Variants in IFI27L1 observed in about 807,000 individuals in gnomAD.
IFI27L1 encodes interferon alpha-inducible protein 27-like protein 1.
In IFI27L1, 3 loss-of-function variants were observed where a neutral mutation model predicts 9.2. That is an observed-to-expected ratio of 0.32 (90% CI 0.15 to 0.84). IFI27L1 has a LOEUF of 0.84. Among genes scored for constraint, IFI27L1 ranks in the 40% least tolerant of loss-of-function variants. The pLI, the probability that IFI27L1 is intolerant of heterozygous loss-of-function variation, is 0.56. For missense variants in IFI27L1, 133 were observed against 134.2 expected, an observed-to-expected ratio of 0.99 and a Z score of 0.05; for synonymous variants, 53 against 50.0, an observed-to-expected ratio of 1.06 and a Z score of -0.26.
At chr14:94,099,386 G>A (rs374480594) in intron 2 of IFI27L1, among the ~76,000 whole-genome samples, 1 of 152,194 alleles carries the variant, frequency 6.6e-6, no homozygotes, top group Non-Finnish European at 1.5e-5. Flanking sequence ...AGAGGCAAGA[G>A]AGGAGGTGGT....
intron 1 of IFI27L1, among the ~76,000 whole-genome samples, chr14:94,086,943 C>G (rs1170747283): frequency 1.3e-5 from 2 of 152,094 alleles, no homozygotes; most frequent in Non-Finnish European, 2.9e-5. Context: ...AAATAACAAA[C>G]AGAGAGAAGC....
rs181647711 is a variant in IFI27L1 at position 94,101,001 on chromosome 14, A to C, written c.61+230A>C. 382 of 611,306 alleles carry C rather than the reference A, an allele frequency of 6.2e-4. 2 individuals carry two copies. The African/African-American group carries it at 6.5e-3, about 10-fold the overall frequency. 37.9% of individuals were successfully genotyped at this position (611,306 alleles called of 1,614,324 possible). A position where few individuals can be genotyped will look rare whatever the true frequency, so the allele number is the denominator to read the frequency against. Reference sequence around the variant, plus strand: ...GCTGGGGCTACTCTCAGCTTCCACCAAGTACAAACCATGCAACCCCGGATG... The same window carrying C: ...GCTGGGGCTACTCTCAGCTTCCACCCAGTACAAACCATGCAACCCCGGATG... On this transcript the variant is annotated intron_variant, in intron 3 of 4. Coordinates refer to ENST00000555523, the MANE Select transcript of IFI27L1 (RefSeq NM_206949.3).
chr14:94,099,391 G>T (rs7493263), intron 2 of IFI27L1, among the ~76,000 whole-genome samples: 2,205 of 152,280 alleles, frequency 0.014, 58 homozygotes, highest in African/African-American at 0.05. Flanking sequence ...CAAGAGAGGA[G>T]GTGGTGCAGG....
chr14:94,082,284 A>G (rs1052490125), intron 1 of IFI27L1, among the ~76,000 whole-genome samples: 3 of 151,686 alleles, frequency 2.0e-5, no homozygotes, highest in African/African-American at 7.3e-5. Context: ...TGAGGAAGCT[A>G]TAGAAGTTTG....
intron 1 of IFI27L1, among the ~76,000 whole-genome samples, chr14:94,081,753 G>A (rs1232407889): frequency 3.3e-5 from 5 of 152,272 alleles, no homozygotes; most frequent in Admixed American, 3.3e-4. Flanking sequence ...GGCGCCATGA[G>A]CTGTGCCCAT....
At chr14:94,081,876 G>A (rs1005133786) in intron 1 of IFI27L1, among the ~76,000 whole-genome samples, 2 of 152,196 alleles carry the variant, frequency 1.3e-5, no homozygotes, top group East Asian at 3.8e-4. Flanking sequence ...AGACACAACA[G>A]TGTTGAAATT....
At chr14:94,099,698 A>C (rs867260401) in intron 2 of IFI27L1, among the ~76,000 whole-genome samples, 1 of 152,168 alleles carries the variant, frequency 6.6e-6, no homozygotes, top group African/African-American at 2.4e-5. Context: ...AGCCTAGGAA[A>C]CTAAGACAGA....
intron 2 of IFI27L1, among the ~76,000 whole-genome samples, chr14:94,098,351 T>G (rs555293965): frequency 7.9e-5 from 12 of 152,244 alleles, no homozygotes; most frequent in African/African-American, 2.9e-4. Context: ...CCCATCTCCA[T>G]CTCTGTCTTC....
At chr14:94,085,241 A>C (rs1339151538) in intron 1 of IFI27L1, among the ~76,000 whole-genome samples, 2 of 152,212 alleles carry the variant, frequency 1.3e-5, no homozygotes, top group East Asian at 3.8e-4. Flanking sequence ...CTAGCCAGGT[A>C]GGGCATCTAG....
intron 1 of IFI27L1, among the ~76,000 whole-genome samples, chr14:94,082,998 A>C (rs1340339618): frequency 6.6e-6 from 1 of 152,254 alleles, no homozygotes; most frequent in African/African-American, 2.4e-5. Flanking sequence ...GATCTGGGCA[A>C]AGTATATTGA....
At chr14:94,087,123 A>C (rs1267531975) in intron 1 of IFI27L1, among the ~76,000 whole-genome samples, 1 of 152,238 alleles carries the variant, frequency 6.6e-6, no homozygotes, top group Non-Finnish European at 1.5e-5. Context: ...ATTAAAAGAC[A>C]ACAGCCTTAA....
At chr14:94,098,434 T>C (rs1385208507) in intron 2 of IFI27L1, among the ~76,000 whole-genome samples, 2 of 152,230 alleles carry the variant, frequency 1.3e-5, no homozygotes, top group Non-Finnish European at 2.9e-5. Context: ...CTCAGTCATA[T>C]TGGATTAAGG....
intron 2 of IFI27L1, chr14:94,097,643 A>C (rs1488319408): frequency 2.8e-6 from 2 of 702,300 alleles, no homozygotes; most frequent in South Asian, 3.0e-5. Flanking sequence ...GGAGCTGCAG[A>C]AGTATGAGGG....
At chr14:94,081,943 G>A (rs987721567) in intron 1 of IFI27L1, among the ~76,000 whole-genome samples, 1 of 152,128 alleles carries the variant, frequency 6.6e-6, no homozygotes, top group South Asian at 2.1e-4. Flanking sequence ...AGAAAGAGTC[G>A]CACATCTCTC....
chr14:94,097,132 A>G (rs1886704094), intron 2 of IFI27L1, among the ~76,000 whole-genome samples, 167 bp downstream of exon 2: 1 of 152,252 alleles, frequency 6.6e-6, no homozygotes, highest in Non-Finnish European at 1.5e-5. Context: ...AAATCCCAGA[A>G]TACACATGCC....
At chr14:94,088,639 G>A (rs1936161954) in intron 1 of IFI27L1, among the ~76,000 whole-genome samples, 1 of 151,806 alleles carries the variant, frequency 6.6e-6, no homozygotes, top group Non-Finnish European at 1.5e-5. Flanking sequence ...AACCCACTCT[G>A]CTTAAGTTGG....
Position 94,088,227 on chromosome 14 carries a change from T to C in IFI27L1, c.-52+6778T>C, listed in dbSNP as rs548378915. ...CTTCTTCTACTGCCAAGCATTGTAGTAGGGACTTGTTTTTTTGCAGTAGCA... is the reference window on the plus strand; with the variant it reads ...CTTCTTCTACTGCCAAGCATTGTAGCAGGGACTTGTTTTTTTGCAGTAGCA... On this transcript the variant is annotated intron_variant, in intron 1 of 4. Coordinates refer to ENST00000555523, the MANE Select transcript of IFI27L1 (RefSeq NM_206949.3). 32 of 702,244 alleles carry C rather than the reference T, an allele frequency of 4.6e-5. No individual in the cohort carries two copies. In the South Asian group the frequency reaches 4.7e-4, roughly 10 times the overall value. The allele number at this position is 702,244 out of a possible 1,614,324, so 43.5% of individuals were successfully genotyped here.
chr14:94,096,928 G>C lies in IFI27L1; in HGVS notation c.-10G>C. 6.2e-7 allele frequency: 1 copy of C among 1,613,478 alleles called. No individual in the cohort carries two copies. The highest frequency in any genetic ancestry group is 8.5e-7 in the Non-Finnish European group (1 of 1,179,582). On this transcript the variant is annotated 5_prime_UTR_variant, in exon 2 of 5. Coordinates refer to ENST00000555523, the MANE Select transcript of IFI27L1 (RefSeq NM_206949.3). ...CCGAGTGGAGGCTCACCGAGGCGAA[G>C]GGGCCAACCATGGGAAAGGAGAGTG... is the stretch of plus-strand genomic sequence containing the variant.
chr14:94,097,301 A>G (rs937201687), intron 2 of IFI27L1, among the ~76,000 whole-genome samples: 3 of 152,370 alleles, frequency 2.0e-5, no homozygotes, highest in African/African-American at 7.2e-5. Context: ...GTTGCTGGGC[A>G]GTCATCCATT....
Sources: allele counts gnomAD v4.1 joint callset (sites outside exome capture counted in the v4.1 genomes callset), GRCh38; gene constraint gnomAD v4.1.1; transcripts MANE v1.5; gene names NCBI Gene and HGNC (gene_info 2026-07-23, HGNC 2026-07-21).